The following SMPD3 variants were observed in gnomAD, a reference collection of about 807,000 sequenced individuals.
SMPD3 encodes sphingomyelin phosphodiesterase 3.
Under a neutral mutation model 55.7 loss-of-function variants are expected in SMPD3, and 21 were observed. The ratio of observed to expected loss-of-function variants is 0.38; its 90% CI spans 0.27 to 0.54. The LOEUF (loss-of-function observed/expected upper bound fraction) is 0.54, where lower values mean the gene tolerates loss of function less well. Ranked by LOEUF, SMPD3 falls within the 20% of genes least tolerant of loss-of-function variation. SMPD3 has a pLI of 0.80. For synonymous variants in SMPD3, 457 were observed against 404.3 expected (o/e 1.13, Z -1.56); for missense variants, 842 against 899.6 (o/e 0.94, Z 0.82).
chr16:68,424,638 C>T (rs1432760205), intron 1 of SMPD3, among the ~76,000 whole-genome samples: 1 of 152,238 alleles, frequency 6.6e-6, no homozygotes, highest in African/African-American at 2.4e-5. Context: ...CAGGCATCAG[C>T]AAAGTTACTG....
chr16:68,425,227 C>A (rs151204517), intron 1 of SMPD3, among the ~76,000 whole-genome samples: 1 of 152,360 alleles, frequency 6.6e-6, no homozygotes, highest in Non-Finnish European at 1.5e-5. Context: ...GTTGTCAATT[C>A]TCTGTATATG....
chr16:68,363,742 C>T, intron 6 of SMPD3, 35 bp downstream of exon 6: 1 of 1,532,346 alleles, frequency 6.5e-7, no homozygotes, highest in African/African-American at 1.4e-5. Context: ...TGTGGGGAGC[C>T]CAGCTCCCAT....
intron 1 of SMPD3, among the ~76,000 whole-genome samples, chr16:68,432,718 G>A (rs1426040494): frequency 3.3e-5 from 5 of 152,194 alleles, no homozygotes; most frequent in African/African-American, 1.2e-4. Flanking sequence ...TGTATGAGGT[G>A]GGCAGAAGAA....
chr16:68,383,484 G>A (rs2089993402), intron 2 of SMPD3, among the ~76,000 whole-genome samples: 1 of 152,190 alleles, frequency 6.6e-6, no homozygotes, highest in South Asian at 2.1e-4. Context: ...AGGCCCAACC[G>A]GAGGTGTAAG....
intron 1 of SMPD3, among the ~76,000 whole-genome samples, chr16:68,410,554 A>C (rs2090290992): frequency 1.3e-5 from 2 of 152,304 alleles, no homozygotes; most frequent in South Asian, 4.1e-4. Context: ...ATACTACTGG[A>C]TTTAAATCAG....
chr16:68,363,438 CCT>C lies in SMPD3; in HGVS notation c.1709+56_1709+57del, dbSNP rs551602881. On this transcript the variant is annotated intron_variant, in intron 7 of 8. Coordinates refer to ENST00000219334, the MANE Select transcript of SMPD3 (RefSeq NM_018667.4). Reference sequence around the variant, plus strand: ...TCTCCCATGTGGGTCCTGCCCAGTCCCTGTCTCCACCTTAGTCAGGGTGTGCC... The same window carrying C: ...TCTCCCATGTGGGTCCTGCCCAGTCCGTCTCCACCTTAGTCAGGGTGTGCC... 2,232 of 1,597,508 alleles carry C rather than the reference CCT, an allele frequency of 1.4e-3. 41 individuals are homozygous for C. In the South Asian group the frequency reaches 0.018, roughly 13 times the overall value.
chr16:68,361,514 G>T, intron 8 of SMPD3, 89 bp downstream of exon 8: 1 of 1,546,536 alleles, frequency 6.5e-7, no homozygotes. Flanking sequence ...CTGGGGCGTG[G>T]GGTTTCAGGG....
intron 7 of SMPD3, among the ~76,000 whole-genome samples, chr16:68,362,441 G>T (rs2089329980): frequency 1.3e-5 from 2 of 152,240 alleles, no homozygotes; most frequent in African/African-American, 4.8e-5. Flanking sequence ...GTTGCCCTGA[G>T]ACAAGCAGTA....
At chr16:68,364,532 T>G in intron 5 of SMPD3, 1 of 568,958 alleles carries the variant, frequency 1.8e-6, no homozygotes, top group Non-Finnish European at 3.0e-6. Flanking sequence ...AGAGGTTCGT[T>G]TTTAGGGCAT....
rs1281861730 is a variant in SMPD3 at position 68,426,210 on chromosome 16, G to A, written c.-269+22143C>T. ...TCAGGTATCTAGTCAACATTTGAAC[G>A]GAGAATCTACTAAGGCTTAATGTAG... On this transcript the variant is annotated intron_variant, in intron 1 of 8. Coordinates refer to ENST00000219334, the MANE Select transcript of SMPD3 (RefSeq NM_018667.4). Among the ~76,000 whole-genome samples the A allele has an allele frequency of 2.0e-5, 3 of 152,246 alleles. No individual in the cohort carries two copies. The East Asian group carries it at 5.8e-4, about 29-fold the overall frequency.
At chr16:68,378,666 C>CCA (rs2089880100) in intron 2 of SMPD3, among the ~76,000 whole-genome samples, 3 of 152,090 alleles carry the variant, frequency 2.0e-5, no homozygotes, top group African/African-American at 7.2e-5. Context: ...AGCCTGAAGC[C>CCA]CACCCTGCTG....
chr16:68,371,609 C>A lies in SMPD3; in HGVS notation c.573G>T (p.Gln191His). Reference protein sequence around the residue: ...AASFSSLVSPQGGDGVARAVP... With the variant: ...AASFSSLVSPHGGDGVARAVP... The stretch of plus-strand genomic sequence containing the variant: ...CGGCCCGGGCCACCCCATCGCCGCC[C>A]TGTGGTGACACCAGGCTGCTGAAGC... The change falls in exon 3 of 9, where the codon CAG (glutamine) becomes CAT (histidine). Residue 191 changes from glutamine (Q) to histidine (H), a missense_variant. Coordinates refer to ENST00000219334, the MANE Select transcript of SMPD3 (RefSeq NM_018667.4). The A allele has an allele frequency of 3.2e-6, 5 of 1,567,906 alleles. No homozygotes were observed. Among genetic ancestry groups the A allele is most frequent in the Non-Finnish European group, 4.3e-6 (5 of 1,157,892 alleles).
intron 2 of SMPD3, among the ~76,000 whole-genome samples, chr16:68,374,817 C>T (rs1247648816): frequency 6.6e-6 from 1 of 152,182 alleles, no homozygotes; most frequent in African/African-American, 2.4e-5. Flanking sequence ...CACAGAGTCA[C>T]CCACAGGCAC....
intron 1 of SMPD3, among the ~76,000 whole-genome samples, chr16:68,401,782 T>G (rs1447808067): frequency 6.6e-6 from 1 of 152,164 alleles, no homozygotes; most frequent in Non-Finnish European, 1.5e-5. Flanking sequence ...TAGGACCATA[T>G]AAATGCCTTC....
At chr16:68,425,745 C>A (rs1276024497) in intron 1 of SMPD3, among the ~76,000 whole-genome samples, 1 of 152,112 alleles carries the variant, frequency 6.6e-6, no homozygotes. Flanking sequence ...AGCAAGATAT[C>A]CGGCCTCGGG....
At chr16:68,417,115 T>C (rs1201154901) in intron 1 of SMPD3, among the ~76,000 whole-genome samples, 1 of 151,966 alleles carries the variant, frequency 6.6e-6, no homozygotes, top group African/African-American at 2.4e-5. Context: ...CACTCAAAAT[T>C]AAGCCCTTTC....
intron 5 of SMPD3, 62 bp from the exon 6 acceptor site, chr16:68,363,928 G>GC: frequency 7.0e-7 from 1 of 1,430,510 alleles, no homozygotes; most frequent in Non-Finnish European, 9.5e-7. Context: ...CACGGCCTGT[G>GC]CCCCTGCTTC....
intron 1 of SMPD3, among the ~76,000 whole-genome samples, chr16:68,413,247 A>G (rs1483565816): frequency 1.3e-5 from 2 of 152,210 alleles, no homozygotes; most frequent in African/African-American, 4.8e-5. Flanking sequence ...CCTGGCCTCC[A>G]TAGCTTTGGC....
In SMPD3 at chr16:68,372,150, C is replaced by T; in HGVS notation, c.32G>A (p.Ser11Asn). The change falls in exon 3 of 9, where the codon AGC becomes AAC. Residue 11 changes from serine to asparagine, a missense_variant. Physicochemically the swap from Ser to Asn is conservative, Grantham distance 46. Coordinates refer to ENST00000219334, the MANE Select transcript of SMPD3 (RefSeq NM_018667.4). ...CACACAGTGCAGGGCGGACAGACAGCTGTTAGGAAAGGGGGTCGTGTACAA... is the reference window on the plus strand; with the variant it reads ...CACACAGTGCAGGGCGGACAGACAGTTGTTAGGAAAGGGGGTCGTGTACAA... MVLYTTPFPN[S>N]CLSALHCVSW... The T allele has an allele frequency of 1.2e-6, 2 of 1,612,778 alleles. No individual in the cohort carries two copies. The highest frequency in any genetic ancestry group is 1.7e-6 in the Non-Finnish European group (2 of 1,179,626).
Sources: allele counts gnomAD v4.1 joint callset (sites outside exome capture counted in the v4.1 genomes callset), GRCh38; gene constraint gnomAD v4.1.1; transcripts MANE v1.5; gene names NCBI Gene and HGNC (gene_info 2026-07-23, HGNC 2026-07-21).